Variants in TTC28 observed in about 807,000 individuals in gnomAD.
TTC28 encodes the protein tetratricopeptide repeat domain 28.
In TTC28, 61 loss-of-function variants were observed where a neutral mutation model predicts 198.0. The observed-to-expected ratio is 0.31, with a 90% CI of 0.25 to 0.38. The LOEUF is 0.38. Among genes scored for constraint, TTC28 ranks in the 10% least tolerant of loss-of-function variants. The pLI, the probability that TTC28 is intolerant of heterozygous loss-of-function variation, is 1.00. For synonymous variants in TTC28, 1,171 were observed against 1,297.8 expected (o/e 0.90, Z 2.10); for missense variants, 2,678 against 3,164.0 (o/e 0.85, Z 3.69).
intron 14 of TTC28, among the ~76,000 whole-genome samples, chr22:28,012,726 A>T (rs1938209915): frequency 6.6e-6 from 1 of 152,076 alleles, no homozygotes; most frequent in Admixed American, 6.5e-5. Flanking sequence ...TGCCCAGGCT[A>T]GTCTCGAACT....
chr22:28,003,295 C>T (rs1228735014), intron 14 of TTC28, among the ~76,000 whole-genome samples: 1 of 152,146 alleles, frequency 6.6e-6, no homozygotes, highest in East Asian at 1.9e-4. Context: ...GCCGCAGTGG[C>T]ACAGCTGATG....
chr22:28,669,460 T>C (rs2145706380), intron 1 of TTC28, among the ~76,000 whole-genome samples: 1 of 150,390 alleles, frequency 6.6e-6, no homozygotes, highest in East Asian at 1.9e-4. Context: ...AAGGTACAAT[T>C]TACCCAATTA....
intron 21 of TTC28, among the ~76,000 whole-genome samples, chr22:27,989,639 G>T (rs1601485915): frequency 1.3e-5 from 2 of 151,838 alleles, no homozygotes; most frequent in Non-Finnish European, 2.9e-5. Flanking sequence ...GTAGAGATGG[G>T]GTCTCCCTGT....
intron 5 of TTC28, among the ~76,000 whole-genome samples, chr22:28,294,602 T>G (rs112677473): frequency 0.021 from 3,189 of 151,718 alleles, 31 homozygotes; most frequent in Non-Finnish European, 0.026. Flanking sequence ...GGAGTCTTGC[T>G]CTGTCACCCA....
chr22:28,426,758 A>G (rs987693937), intron 2 of TTC28, among the ~76,000 whole-genome samples: 1 of 152,162 alleles, frequency 6.6e-6, no homozygotes, highest in Non-Finnish European at 1.5e-5. Context: ...AAGTTCAGAA[A>G]TGGCCTTTTG....
chr22:28,509,630 A>C (rs2048661233), intron 2 of TTC28, among the ~76,000 whole-genome samples: 2 of 152,228 alleles, frequency 1.3e-5, no homozygotes, highest in African/African-American at 2.4e-5. Context: ...GAACTAGAGA[A>C]CCAAGAGCAA....
intron 2 of TTC28, among the ~76,000 whole-genome samples, chr22:28,582,338 C>A (rs1304601795): frequency 2.0e-5 from 3 of 151,830 alleles, no homozygotes; most frequent in Admixed American, 2.0e-4. Flanking sequence ...TAGATTATGT[C>A]TCACAGAGGA....
chr22:28,200,490 G>T (rs1453080091), intron 5 of TTC28, among the ~76,000 whole-genome samples: 1 of 151,984 alleles, frequency 6.6e-6, no homozygotes, highest in African/African-American at 2.4e-5. Flanking sequence ...AATAAATTAG[G>T]ACCAAATGGA....
Position 27,983,311 on chromosome 22 carries a change from T to A in TTC28, c.6356A>T (p.Asn2119Ile), listed in dbSNP as rs1453039682. The A allele has an allele frequency of 1.3e-6, 2 of 1,551,902 alleles. No homozygotes were observed. The highest frequency in any genetic ancestry group is 2.4e-5 in the South Asian group (2 of 84,020). Residue 2119 changes from asparagine to isoleucine, a missense_variant, in exon 23 of 23, where the codon AAC becomes ATC. This residue lies in a region of TTC28 where 622 missense variants were observed against 656.0 expected (regional missense o/e 0.95). Transcript: ENST00000397906. ...PVKMTLIPSP[N>I]SPFQKVGKLA... is the part of the protein sequence containing the mutation. ...TTTTCCCACCTTTTGGAAGGGTGAGTTGGGGCTGGGAATCAGAGTCATTTT... is the reference window on the plus strand; with the variant it reads ...TTTTCCCACCTTTTGGAAGGGTGAGATGGGGCTGGGAATCAGAGTCATTTT...
chr22:28,616,837 A>C (rs1166933072), intron 2 of TTC28, among the ~76,000 whole-genome samples: 1 of 148,498 alleles, frequency 6.7e-6, no homozygotes, highest in Non-Finnish European at 1.5e-5. Context: ...ACAGAGCAAG[A>C]CCCTGTCTCA....
chr22:28,521,517 G>C (rs2048909063), intron 2 of TTC28, among the ~76,000 whole-genome samples: 1 of 152,190 alleles, frequency 6.6e-6, no homozygotes, highest in South Asian at 2.1e-4. Flanking sequence ...GAGCTGAGCA[G>C]ATATTCTGCT....
intron 13 of TTC28, among the ~76,000 whole-genome samples, chr22:28,018,873 C>T (rs1938486055): frequency 6.6e-6 from 1 of 152,186 alleles, no homozygotes. Context: ...TATGGGCGGA[C>T]CCAAGGTTTC....
chr22:28,422,711 C>G (rs541029480), intron 2 of TTC28, among the ~76,000 whole-genome samples: 17 of 152,198 alleles, frequency 1.1e-4, no homozygotes, highest in Non-Finnish European at 1.6e-4. Context: ...TCCCAAAGTG[C>G]TGGGATTACA....
intron 2 of TTC28, among the ~76,000 whole-genome samples, chr22:28,420,333 T>C (rs2047230121): frequency 6.6e-6 from 1 of 152,134 alleles, no homozygotes; most frequent in South Asian, 2.1e-4. Context: ...GAAAAATAGT[T>C]TCATTTTTCT....
chr22:28,041,060 C>G (rs1939616247), intron 12 of TTC28, among the ~76,000 whole-genome samples: 1 of 152,160 alleles, frequency 6.6e-6, no homozygotes, highest in Non-Finnish European at 1.5e-5. Flanking sequence ...AAACTACAAA[C>G]TACTGGTCAA....
In TTC28 at chr22:28,105,392, C is replaced by A; in HGVS notation, c.3194G>T (p.Ser1065Ile). 2 of 1,551,746 alleles carry A rather than the reference C, an allele frequency of 1.3e-6. No individual in the cohort carries two copies. Among genetic ancestry groups the A allele is most frequent in the Non-Finnish European group, 1.7e-6 (2 of 1,147,016 alleles). Residue 1065 changes from serine (S) to isoleucine (I), a missense_variant, in exon 8 of 23, where the codon AGC becomes ATC. Transcript: ENST00000397906. ...RAVVYQEQHL[S>I]IAAQMNDLAA... ...CAAGTCATTCATCTGTGCAGCAATGCTCAAGTGCTGTTCTTGATAGACCAC... is the reference window on the plus strand; with the variant it reads ...CAAGTCATTCATCTGTGCAGCAATGATCAAGTGCTGTTCTTGATAGACCAC...
rs144035615 is a variant in TTC28, at chr22:28,046,047, T to C, written c.3933-15681A>G. 4.6e-5 allele frequency among the ~76,000 whole-genome samples: 7 copies of C among 152,352 alleles called. No individual in the cohort carries two copies. In the East Asian group the frequency reaches 1.3e-3, roughly 29 times the overall value. On this transcript the variant is annotated intron_variant, in intron 12 of 22. Transcript: ENST00000397906. ...CAAGAGCATACATGAAAGTTCTTTG[T>C]AAAAGGCAGACTATACAAATGAAAG...
At chr22:28,267,929 T>C (rs1430475561) in intron 5 of TTC28, among the ~76,000 whole-genome samples, 1 of 152,224 alleles carries the variant, frequency 6.6e-6, no homozygotes, top group East Asian at 1.9e-4. Flanking sequence ...TCAGCTGCAC[T>C]GAAATCCTTT....
chr22:28,388,162 C>T (rs1057437445), intron 2 of TTC28, among the ~76,000 whole-genome samples: 23 of 152,050 alleles, frequency 1.5e-4, no homozygotes, highest in Admixed American at 1.0e-3. Flanking sequence ...TGTAGATATG[C>T]GGCGTTATTT....
Sources: allele counts gnomAD v4.1 joint callset (sites outside exome capture counted in the v4.1 genomes callset), GRCh38; gene constraint gnomAD v4.1.1; regional missense constraint gnomAD v4.1.1; transcripts MANE v1.5; gene names NCBI Gene and HGNC (gene_info 2026-07-23, HGNC 2026-07-21).